The following ZBBX variants were observed in gnomAD, a reference collection of about 807,000 sequenced individuals.
ZBBX encodes zinc finger B-box domain containing, also known as zinc finger B-box domain-containing protein 1.
Under a neutral mutation model 108.5 loss-of-function variants are expected in ZBBX, and 101 were observed. The ratio of observed to expected loss-of-function variants is 0.93; its 90% CI spans 0.79 to 1.10. The LOEUF is 1.10. Ranked by LOEUF, ZBBX falls within the 50% of genes least tolerant of loss-of-function variation. ZBBX has a pLI of 0.00. For missense variants in ZBBX, 1,009 were observed against 941.4 expected, an observed-to-expected ratio of 1.07 and a Z score of -0.94; for synonymous variants, 356 against 323.4, an observed-to-expected ratio of 1.10 and a Z score of -1.08.
chr3:167,299,552 A>G (rs1732284049), intron 17 of ZBBX, among the ~76,000 whole-genome samples: 2 of 152,130 alleles, frequency 1.3e-5, no homozygotes, highest in African/African-American at 4.8e-5. Context: ...TACTTTTAGC[A>G]CAAACTTACA....
At chr3:167,275,944 A>G (rs1458598318) in intron 20 of ZBBX, among the ~76,000 whole-genome samples, 5 of 152,182 alleles carry the variant, frequency 3.3e-5, no homozygotes, top group Admixed American at 6.5e-5. Context: ...GAACGGGCAG[A>G]CTGCCTCCTC....
intron 20 of ZBBX, among the ~76,000 whole-genome samples, chr3:167,257,266 T>G (rs1308302318): frequency 6.6e-6 from 1 of 152,206 alleles, no homozygotes; most frequent in Non-Finnish European, 1.5e-5. Context: ...TGATTTTGTA[T>G]CCTGCAACTT....
downstream of ZBBX, among the ~76,000 whole-genome samples, chr3:167,239,114 G>A (rs895241690): frequency 6.6e-6 from 1 of 152,070 alleles, no homozygotes; most frequent in African/African-American, 2.4e-5. Flanking sequence ...CCTGCAGGCT[G>A]GAGACCCAGG....
At chr3:167,260,403 C>T (rs1724268820) in intron 20 of ZBBX, among the ~76,000 whole-genome samples, 1 of 152,148 alleles carries the variant, frequency 6.6e-6, no homozygotes, top group Admixed American at 6.5e-5. Context: ...GGAAGTTTTC[C>T]TCGATTATTC....
At chr3:167,356,556 G>A (rs537686251) in intron 8 of ZBBX, among the ~76,000 whole-genome samples, 2 of 152,126 alleles carry the variant, frequency 1.3e-5, no homozygotes, top group Admixed American at 6.6e-5. Context: ...TTTTACCTAT[G>A]TGTTATATTT....
chr3:167,317,245 T>C, intron 13 of ZBBX, 140 bp from the exon 14 acceptor site: 4 of 675,078 alleles, frequency 5.9e-6, no homozygotes, highest in Non-Finnish European at 9.5e-6. Flanking sequence ...ATTTTCCCAG[T>C]TCAAGTGAAA....
chr3:167,282,586 GAAGTT>G (rs1250535475), intron 19 of ZBBX, 91 bp from the exon 20 acceptor site: 41 of 1,107,278 alleles, frequency 3.7e-5, no homozygotes, highest in African/African-American at 6.3e-5. Context: ...TGCACACAGA[GAAGTT>G]AAGTTCATGT....
At chr3:167,362,044 T>C (rs1030451635) in intron 6 of ZBBX, among the ~76,000 whole-genome samples, 9 of 152,136 alleles carry the variant, frequency 5.9e-5, no homozygotes, top group South Asian at 4.1e-4. Context: ...TTTAGACAAA[T>C]AGAATTTCCT....
At chr3:167,294,837 A>G (rs962709359) in intron 18 of ZBBX, among the ~76,000 whole-genome samples, 11 of 152,112 alleles carry the variant, frequency 7.2e-5, no homozygotes, top group African/African-American at 2.4e-4. Context: ...AGGAACTTAA[A>G]TTTACAAGAA....
At chr3:167,239,216 G>A (rs1289758781), downstream of ZBBX, among the ~76,000 whole-genome samples, 1 of 151,956 alleles carries the variant, frequency 6.6e-6, no homozygotes, top group Non-Finnish European at 1.5e-5. Context: ...TTTTTCTTAA[G>A]GCCTTTAAAC....
intron 20 of ZBBX, among the ~76,000 whole-genome samples, chr3:167,281,132 T>C (rs1397836938): frequency 6.6e-6 from 1 of 152,110 alleles, no homozygotes; most frequent in African/African-American, 2.4e-5. Flanking sequence ...AGCGATAGCA[T>C]TGGGCAATAT....
chr3:167,308,097 G>T (rs202179260), intron 16 of ZBBX, among the ~76,000 whole-genome samples: 3 of 152,108 alleles, frequency 2.0e-5, no homozygotes, highest in East Asian at 1.9e-4. Context: ...CTTCTATAAG[G>T]AACTTAAAGA....
chr3:167,406,986 G>A (rs1748604751), intron 1 of ZBBX, among the ~76,000 whole-genome samples: 1 of 152,186 alleles, frequency 6.6e-6, no homozygotes, highest in African/African-American at 2.4e-5. Context: ...ATAAGAACCA[G>A]GAGAACAGTC....
chr3:167,400,069 T>G (rs1276939748), intron 1 of ZBBX, among the ~76,000 whole-genome samples: 1 of 152,214 alleles, frequency 6.6e-6, no homozygotes, highest in East Asian at 1.9e-4. Context: ...TATTCCGTAG[T>G]GTATATGTAC....
chr3:167,204,907 A>C, the ZBBX span, among the ~76,000 whole-genome samples: 1 of 151,786 alleles, frequency 6.6e-6, no homozygotes. Context: ...CTCAGACCAA[A>C]AAAAAAAAAG....
intron 20 of ZBBX, among the ~76,000 whole-genome samples, chr3:167,254,375 T>C (rs149316769): frequency 7.2e-5 from 11 of 152,284 alleles, no homozygotes; most frequent in African/African-American, 2.2e-4. Flanking sequence ...ACTATACTTG[T>C]ATTTTGCAAA....
chr3:167,308,401 T>C (rs1388041974), intron 16 of ZBBX, among the ~76,000 whole-genome samples: 2 of 152,154 alleles, frequency 1.3e-5, no homozygotes, highest in Non-Finnish European at 2.9e-5. Flanking sequence ...GACAGCATGG[T>C]GATTTTCAAA....
intron 9 of ZBBX, among the ~76,000 whole-genome samples, chr3:167,337,186 ATATAAC>A (rs1739694143): frequency 6.6e-6 from 1 of 152,186 alleles, no homozygotes; most frequent in Non-Finnish European, 1.5e-5. Flanking sequence ...CAAAGAATCA[ATATAAC>A]TATAGTTTAA....
In ZBBX at chr3:167,239,974, A is replaced by C. The variant is rs1375908411; in HGVS notation, c.*819T>G. ...AGCAGCAAAGAGAAGTCCTGAGCAA[A>C]AGGGGGGACAGCCCCTTATAAAACC... On this transcript the variant is annotated 3_prime_UTR_variant, in exon 22 of 22. Transcript: ENST00000675490. Among the ~76,000 whole-genome samples, 1 of 152,092 alleles carries C rather than the reference A, an allele frequency of 6.6e-6. No individual in the cohort carries two copies. Among genetic ancestry groups the C allele is most frequent in the Non-Finnish European group, 1.5e-5 (1 of 68,006 alleles).
Sources: gnomAD v4.1 joint callset for allele counts (sites outside exome capture counted in the v4.1 genomes callset) on GRCh38, gnomAD v4.1.1 for gene constraint, MANE v1.5 for transcripts, NCBI Gene and HGNC (gene_info 2026-07-23, HGNC 2026-07-21) for gene names.